The following COP1 variants were observed in gnomAD, a reference collection of about 807,000 sequenced individuals.
COP1 encodes COP1 E3 ubiquitin ligase.
Under a neutral mutation model 101.3 loss-of-function variants are expected in COP1, and 24 were observed. The ratio of observed to expected loss-of-function variants is 0.24; its 90% CI spans 0.17 to 0.33. The LOEUF (loss-of-function observed/expected upper bound fraction) is 0.33, where lower values mean the gene tolerates loss of function less well. Ranked by LOEUF, COP1 falls within the 10% of genes least tolerant of loss-of-function variation. The probability of loss-of-function intolerance (pLI) is 1.00; values close to 1 mark genes in which losing one functional copy is unlikely to be tolerated. For missense variants in COP1, 663 were observed against 906.2 expected (o/e 0.73, Z 3.45); for synonymous variants, 347 against 341.9 (o/e 1.01, Z -0.17).
At chr1:176,097,865 T>A (rs1170669011) in intron 9 of COP1, among the ~76,000 whole-genome samples, 11 of 83,788 alleles carry the variant, frequency 1.3e-4, no homozygotes, top group African/African-American at 3.5e-4. Context: ...TGAAACTCCA[T>A]CTCAAAAAAA....
chr1:176,031,150 T>C (rs1374230364), intron 14 of COP1, among the ~76,000 whole-genome samples: 1 of 152,200 alleles, frequency 6.6e-6, no homozygotes, highest in African/African-American at 2.4e-5. Context: ...TTCAGTACTA[T>C]GAGAGAACAA....
chr1:176,156,669 A>G (rs1258239720), intron 5 of COP1, among the ~76,000 whole-genome samples: 5 of 152,204 alleles, frequency 3.3e-5, no homozygotes, highest in Non-Finnish European at 7.3e-5. Flanking sequence ...GACAAAGCAG[A>G]CTTCAGAACA....
chr1:176,134,931 G>A (rs1009856596), intron 8 of COP1, 79 bp downstream of exon 8: 130 of 1,045,332 alleles, frequency 1.2e-4, no homozygotes, highest in Non-Finnish European at 1.5e-4. Flanking sequence ...ACACTGCATG[G>A]AAAAGGCTCC....
intron 2 of COP1, among the ~76,000 whole-genome samples, chr1:176,184,361 G>A (rs1423312419): frequency 6.6e-6 from 1 of 152,132 alleles, no homozygotes; most frequent in Non-Finnish European, 1.5e-5. Flanking sequence ...ACTAAGAACA[G>A]GAGTGAAAAG....
intron 8 of COP1, among the ~76,000 whole-genome samples, chr1:176,125,959 T>C (rs901723706): frequency 3.3e-5 from 5 of 152,180 alleles, no homozygotes; most frequent in African/African-American, 1.2e-4. Flanking sequence ...AATTCCTAAG[T>C]ATTTAATTTT....
At chr1:176,031,946 TATA>T (rs1373300888) in intron 14 of COP1, among the ~76,000 whole-genome samples, 1 of 152,216 alleles carries the variant, frequency 6.6e-6, no homozygotes, top group African/African-American at 2.4e-5. Context: ...ATTGCTTATC[TATA>T]ATAACATCAG....
intron 1 of COP1, among the ~76,000 whole-genome samples, chr1:176,199,278 C>T (rs889409165): frequency 3.9e-5 from 6 of 152,102 alleles, no homozygotes; most frequent in Non-Finnish European, 8.8e-5. Flanking sequence ...GATCGTGCCA[C>T]TGCACTCCAG....
intron 5 of COP1, among the ~76,000 whole-genome samples, chr1:176,157,870 T>C (rs1446864681): frequency 6.6e-6 from 1 of 152,086 alleles, no homozygotes; most frequent in African/African-American, 2.4e-5. Context: ...CAAAATGCAC[T>C]AGAAAGATGA....
At position 176,022,727 on chromosome 1, in the gene COP1, C is replaced by T. The variant is rs72713269; in HGVS notation, c.1729+4845G>A. Among the ~76,000 whole-genome samples, 965 of 143,752 alleles carry T rather than the reference C, an allele frequency of 6.7e-3. 4 individuals are homozygous for T. Among genetic ancestry groups the T allele is most frequent in the Middle Eastern group, 0.017 (5 of 288 alleles). 94.3% of individuals were successfully genotyped at this position (143,752 alleles called of 152,430 possible). On this transcript the variant is annotated intron_variant, in intron 15 of 19. Transcript: ENST00000367669. ...CTCACTGATGCCTTGCTGATACTAT[C>T]CCCTGCTTCAGACCGAGGAAAATTA...
At chr1:176,066,433 C>T (rs1427365936) in intron 11 of COP1, among the ~76,000 whole-genome samples, 1 of 152,152 alleles carries the variant, frequency 6.6e-6, no homozygotes, top group Non-Finnish European at 1.5e-5. Flanking sequence ...TGAACTCCTA[C>T]TAAACTCCTT....
At chr1:175,973,603 A>G (rs1653799723) in intron 18 of COP1, among the ~76,000 whole-genome samples, 1 of 152,224 alleles carries the variant, frequency 6.6e-6, no homozygotes, top group Non-Finnish European at 1.5e-5. Context: ...TTTGAAAAAT[A>G]TAATGGTTGC....
At chr1:176,203,405 C>T (rs558573040) in intron 1 of COP1, among the ~76,000 whole-genome samples, 3 of 152,204 alleles carry the variant, frequency 2.0e-5, no homozygotes, top group Non-Finnish European at 4.4e-5. Context: ...TATACTTCTG[C>T]TGCAAGAATG....
chr1:175,964,314 G>A (rs1651738941), intron 18 of COP1, among the ~76,000 whole-genome samples: 1 of 151,634 alleles, frequency 6.6e-6, no homozygotes, highest in Non-Finnish European at 1.5e-5. Flanking sequence ...GCTAAATAAG[G>A]ATCTAAAAAC....
intron 9 of COP1, chr1:176,100,266 G>C (rs1683161423): frequency 8.4e-6 from 2 of 237,678 alleles, no homozygotes; most frequent in Non-Finnish European, 1.8e-5. Flanking sequence ...GCAGGCGCCG[G>C]TAATCCCAGC....
At chr1:176,121,478 A>C (rs1166846139) in intron 8 of COP1, among the ~76,000 whole-genome samples, 1 of 151,156 alleles carries the variant, frequency 6.6e-6, no homozygotes, top group East Asian at 2.0e-4. Context: ...GTTCTTACTA[A>C]GTACCAGACA....
At chr1:176,055,207 G>C (rs1224798280) in intron 11 of COP1, among the ~76,000 whole-genome samples, 1 of 152,242 alleles carries the variant, frequency 6.6e-6, no homozygotes, top group East Asian at 1.9e-4. Context: ...GCCGAGACAG[G>C]TGGATAACCT....
chr1:176,049,401 ATATAT>A (rs1180741339), intron 11 of COP1, among the ~76,000 whole-genome samples: 1 of 151,966 alleles, frequency 6.6e-6, no homozygotes, highest in Non-Finnish European at 1.5e-5. Flanking sequence ...TTTGTTTTTA[ATATAT>A]TAAGGTATCA....
chr1:176,059,224 T>C (rs997865441), intron 11 of COP1, among the ~76,000 whole-genome samples: 3 of 152,220 alleles, frequency 2.0e-5, no homozygotes, highest in South Asian at 2.1e-4. Context: ...ATCTATCAAG[T>C]GTATTCTGTA....
At chr1:176,008,467 A>C (rs1326577608) in intron 15 of COP1, among the ~76,000 whole-genome samples, 1 of 151,708 alleles carries the variant, frequency 6.6e-6, no homozygotes, top group Non-Finnish European at 1.5e-5. Context: ...ATTTGTTTTT[A>C]TTTCTTTTTG....
Sources: allele counts gnomAD v4.1 joint callset (sites outside exome capture counted in the v4.1 genomes callset), GRCh38; gene constraint gnomAD v4.1.1; transcripts MANE v1.5; gene names NCBI Gene and HGNC (gene_info 2026-07-23, HGNC 2026-07-21).